The following ADAM7 variants were observed in gnomAD, a reference collection of about 807,000 sequenced individuals.
ADAM7 encodes ADAM metallopeptidase domain 7.
In ADAM7, 97 loss-of-function variants were observed where a neutral mutation model predicts 102.9. That is an observed-to-expected ratio of 0.94 (90% CI 0.80 to 1.12). ADAM7 has a LOEUF of 1.12. ADAM7 is among the 50% of genes most tolerant of loss of function. The probability of loss-of-function intolerance (pLI) is 0.00; values close to 1 mark genes in which losing one functional copy is unlikely to be tolerated. For synonymous variants in ADAM7, 334 were observed against 304.4 expected, an observed-to-expected ratio of 1.10 and a Z score of -1.01; for missense variants, 991 against 908.7, an observed-to-expected ratio of 1.09 and a Z score of -1.16.
intron 7 of ADAM7, among the ~76,000 whole-genome samples, chr8:24,469,322 G>C (rs368475288): frequency 6.6e-5 from 10 of 152,118 alleles, no homozygotes; most frequent in African/African-American, 2.4e-4. Context: ...TCTCAGAAAA[G>C]GGAACTAGAA....
intron 7 of ADAM7, among the ~76,000 whole-genome samples, chr8:24,472,261 C>A (rs901410192): frequency 2.6e-5 from 4 of 151,538 alleles, no homozygotes; most frequent in Non-Finnish European, 5.9e-5. Flanking sequence ...TTTCATTTAA[C>A]CAACTGATAT....
chr8:24,464,494 A>G (rs62500002), intron 4 of ADAM7, among the ~76,000 whole-genome samples: 2 of 152,068 alleles, frequency 1.3e-5, no homozygotes, highest in African/African-American at 4.8e-5. Flanking sequence ...TTACATCCCC[A>G]TTGCTTTTTT....
Position 24,442,650 on chromosome 8 carries a change from A to T in ADAM7, c.156+74A>T, listed in dbSNP as rs566707205. The T allele has an allele frequency of 4.9e-5, 57 of 1,152,780 alleles. No individual in the cohort carries two copies. The South Asian group carries it at 6.7e-4, about 14-fold the overall frequency. The allele number at this position is 1,152,780 out of a possible 1,614,324, so 71.4% of individuals were successfully genotyped here. On this transcript the variant is annotated intron_variant, in intron 2 of 21. Transcript: ENST00000175238. ...TAGACAGTTGTCTCTAGCTCCAACC[A>T]GAAGCAAATAGGGAGAGAGGAGTTT...
At chr8:24,467,071 G>T in intron 6 of ADAM7, 83 bp downstream of exon 6, 3 of 1,323,432 alleles carry the variant, frequency 2.3e-6, no homozygotes, top group Non-Finnish European at 1.1e-6. Flanking sequence ...TATGAGTCCA[G>T]TTACTGAAAT....
At chr8:24,443,165 G>C (rs1818432139) in intron 2 of ADAM7, among the ~76,000 whole-genome samples, 3 of 152,252 alleles carry the variant, frequency 2.0e-5, no homozygotes, top group Non-Finnish European at 4.4e-5. Context: ...AATGTCCTTA[G>C]GTATTTATCA....
chr8:24,461,075 C>G (rs542097425), intron 3 of ADAM7, among the ~76,000 whole-genome samples: 1 of 152,212 alleles, frequency 6.6e-6, no homozygotes, highest in African/African-American at 2.4e-5. Flanking sequence ...TTTCTGTATG[C>G]TCCACCTTCT....
chr8:24,472,474 G>A (rs188391525), intron 7 of ADAM7, among the ~76,000 whole-genome samples: 98 of 151,722 alleles, frequency 6.5e-4, no homozygotes, highest in Non-Finnish European at 1.1e-3. Flanking sequence ...AAAGACTATT[G>A]GTTTGGAAAC....
intron 20 of ADAM7, 139 bp from the exon 21 acceptor site, chr8:24,507,341 G>C (rs1411818095): frequency 6.3e-6 from 4 of 633,968 alleles, no homozygotes; most frequent in Admixed American, 5.6e-5. Flanking sequence ...AACTGTCTTG[G>C]ATTTTTCATG....
In ADAM7 at chr8:24,442,457, T is replaced by A. The variant is rs780299790; in HGVS notation, c.53-16T>A. ...TTAATGTCAGACGGATTTTTTCCTC[T>A]TATGTTTCCTCGTAGAAAAGTTCAT... On this transcript the variant is annotated splice_polypyrimidine_tract_variant and intron_variant, in intron 1 of 21. Transcript: ENST00000175238. 11 of 1,578,032 alleles carry A rather than the reference T, an allele frequency of 7.0e-6. No homozygotes were observed. The highest frequency in any genetic ancestry group is 8.7e-6 in the Non-Finnish European group (10 of 1,147,358).
At chr8:24,462,692 A>C (rs141095313) in intron 3 of ADAM7, among the ~76,000 whole-genome samples, 378 of 152,354 alleles carry the variant, frequency 2.5e-3, no homozygotes, top group African/African-American at 8.2e-3. Flanking sequence ...TTATTCAGCC[A>C]TAGGAGGAAT....
chr8:24,442,098 G>A (rs1017411467), intron 1 of ADAM7, among the ~76,000 whole-genome samples: 8 of 152,090 alleles, frequency 5.3e-5, no homozygotes, highest in Non-Finnish European at 8.8e-5. Flanking sequence ...CGCTTGAACC[G>A]GGGAGGCGGA....
Position 24,493,159 on chromosome 8 carries a change from C to T in ADAM7, c.1772C>T (p.Thr591Ile), listed in dbSNP as rs1820426879. ...PQKNATVKCK[T>I]IFLYHDSTDI... ...AAGAATGCTACTGTCAAATGCAAAA[C>T]TATTTTTTTATACCATGATTCTACA... The change falls in exon 16 of 22, where the codon ACT (threonine) becomes ATT (isoleucine). Residue 591 changes from threonine to isoleucine, a missense_variant. By Grantham distance (89) the Thr-to-Ile change is moderately conservative. Transcript: ENST00000175238. 1.2e-6 allele frequency: 2 copies of T among 1,613,246 alleles called. No individual in the cohort carries two copies. The highest frequency in any genetic ancestry group is 2.7e-5 in the African/African-American group (2 of 74,878).
Position 24,499,288 on chromosome 8 carries a change from A to C in ADAM7, c.1895A>C (p.Asn632Thr). 1 of 1,607,998 alleles carries C rather than the reference A, an allele frequency of 6.2e-7. No homozygotes were observed. The highest frequency in any genetic ancestry group is 2.3e-5 in the East Asian group (1 of 44,442). Residue 632 changes from asparagine to threonine, a missense_variant, in exon 17 of 22, where the codon AAT becomes ACT. Asn to Thr is a moderately conservative substitution (Grantham distance 65). Coordinates refer to ENST00000175238, the MANE Select transcript of ADAM7 (RefSeq NM_003817.4). ...ATGGAAAAGGTCTATATCTCAACCA[A>C]TTGCCCCTCTCAGTGCAATGAAAAT... ...LNMEKVYIST[N>T]CPSQCNENPV... is the part of the protein sequence containing the mutation.
intron 18 of ADAM7, 96 bp from the exon 19 acceptor site, chr8:24,500,694 G>A (rs1258727910): frequency 4.3e-6 from 4 of 934,904 alleles, no homozygotes; most frequent in Non-Finnish European, 6.6e-6. Flanking sequence ...TCTATAGAAA[G>A]GAATAAGGAG....
Position 24,463,950 on chromosome 8 carries a change from C to G in ADAM7, c.302C>G (p.Pro101Arg), listed in dbSNP as rs1819337847. Residue 101 changes from proline to arginine, a missense_variant, in exon 4 of 22, where the codon CCT (proline) becomes CGT (arginine). Physicochemically the swap from Pro to Arg is moderately radical, Grantham distance 103. Coordinates refer to ENST00000175238, the MANE Select transcript of ADAM7 (RefSeq NM_003817.4). ...SMKGEAFTRH[P>R]QIMDHCFYQG... The stretch of plus-strand genomic sequence containing the variant: ...AAAGGAGAAGCGTTCACCAGGCATC[C>G]TCAGATCATGGTATCTTATGGAACT... 1 of 1,612,264 alleles carries G rather than the reference C, an allele frequency of 6.2e-7. No homozygotes were observed. The highest frequency in any genetic ancestry group is 8.5e-7 in the Non-Finnish European group (1 of 1,178,522).
At chr8:24,468,887 A>G in intron 7 of ADAM7, 67 bp downstream of exon 7, 1 of 1,420,842 alleles carries the variant, frequency 7.0e-7, no homozygotes, top group South Asian at 1.2e-5. Flanking sequence ...TCATTCTAGC[A>G]TAGAGAGAAA....
chr8:24,506,167 C>A, intron 20 of ADAM7: 1 of 1,541,476 alleles, frequency 6.5e-7, no homozygotes, highest in Non-Finnish European at 8.8e-7. Flanking sequence ...GTACGTTCCC[C>A]TCCCCTTCCT....
chr8:24,467,318 A>G, intron 6 of ADAM7: 1 of 333,590 alleles, frequency 3.0e-6, no homozygotes, highest in Non-Finnish European at 5.4e-6. Flanking sequence ...CTTCCCTGCC[A>G]TTTTTTTTTG....
intron 14 of ADAM7, 60 bp downstream of exon 14, chr8:24,492,158 G>A: frequency 6.7e-7 from 1 of 1,500,558 alleles, no homozygotes; most frequent in Non-Finnish European, 9.0e-7. Context: ...CTCTGTTATT[G>A]CCCTGTAGGA....
Sources: gnomAD v4.1 joint callset for allele counts (sites outside exome capture counted in the v4.1 genomes callset) on GRCh38, gnomAD v4.1.1 for gene constraint, MANE v1.5 for transcripts, NCBI Gene and HGNC (gene_info 2026-07-23, HGNC 2026-07-21) for gene names.